Variants in BABAM2 observed in about 807,000 individuals in gnomAD.
BABAM2 encodes BRISC and BRCA1-A complex member 2.
A neutral mutation model predicts 54.7 loss-of-function variants in BABAM2; 31 were observed. The ratio of observed to expected loss-of-function variants is 0.57; its 90% confidence interval spans 0.43 to 0.77. The LOEUF is 0.77. Among genes scored for constraint, BABAM2 ranks in the 30% least tolerant of loss-of-function variants. The probability of loss-of-function intolerance (pLI) is 0.00; values close to 1 mark genes in which losing one functional copy is unlikely to be tolerated. For synonymous variants in BABAM2, 167 were observed against 162.9 expected (o/e 1.03, Z -0.19); for missense variants, 364 against 455.8 (o/e 0.80, Z 1.83).
intron 7 of BABAM2, among the ~76,000 whole-genome samples, chr2:28,168,892 A>G (rs965128957): frequency 2.0e-5 from 3 of 152,074 alleles, no homozygotes; most frequent in African/African-American, 7.2e-5. Flanking sequence ...ATTCAACCCA[A>G]CTTCCAGAAA....
chr2:27,997,608 G>A (rs1202583550), intron 4 of BABAM2, among the ~76,000 whole-genome samples: 1 of 152,158 alleles, frequency 6.6e-6, no homozygotes, highest in Non-Finnish European at 1.5e-5. Flanking sequence ...TTGAAAGCAT[G>A]TGTTATAAAC....
chr2:27,951,387 C>A (rs1025506291), intron 3 of BABAM2, among the ~76,000 whole-genome samples: 4 of 151,674 alleles, frequency 2.6e-5, no homozygotes, highest in African/African-American at 9.7e-5. Flanking sequence ...TTTTTTTTGA[C>A]CTATGAGTTA....
At chr2:28,295,936 G>C (rs1039210868) in intron 10 of BABAM2, among the ~76,000 whole-genome samples, 3 of 152,078 alleles carry the variant, frequency 2.0e-5, no homozygotes, top group Non-Finnish European at 2.9e-5. Context: ...GGTGAAATTT[G>C]ATCTCTACTA....
chr2:28,219,476 C>A (rs1680201485), intron 7 of BABAM2, among the ~76,000 whole-genome samples: 2 of 152,206 alleles, frequency 1.3e-5, no homozygotes, highest in Non-Finnish European at 2.9e-5. Flanking sequence ...ATAATCTCCT[C>A]ATGTCGGGGT....
chr2:28,125,275 G>C (rs527534017), intron 6 of BABAM2, among the ~76,000 whole-genome samples: 208 of 151,866 alleles, frequency 1.4e-3, no homozygotes, highest in Middle Eastern at 6.8e-3. Flanking sequence ...TTTTTATTTT[G>C]TTATTTTTAT....
At chr2:28,036,971 C>A (rs1055045567) in intron 5 of BABAM2, among the ~76,000 whole-genome samples, 1 of 152,162 alleles carries the variant, frequency 6.6e-6, no homozygotes, top group Non-Finnish European at 1.5e-5. Flanking sequence ...TAGTACTTGG[C>A]ACAGTATGTG....
chr2:28,142,272 T>A lies in BABAM2; in HGVS notation c.680+12892T>A, dbSNP rs577099339. Among the ~76,000 whole-genome samples, 14 of 152,288 alleles carry A rather than the reference T, an allele frequency of 9.2e-5. No homozygotes were observed. In the East Asian group the frequency reaches 1.7e-3, roughly 19 times the overall value. ...ATGACTTAATGAATGGGGAAGCCTT[T>A]AGTTTAAAACAAAACAAATGATGGG... is the stretch of plus-strand genomic sequence containing the variant. On this transcript the variant is annotated intron_variant, in intron 7 of 11. Transcript: ENST00000379624.
chr2:28,275,269 T>C (rs1303199866), intron 10 of BABAM2, among the ~76,000 whole-genome samples: 2 of 152,224 alleles, frequency 1.3e-5, no homozygotes, highest in African/African-American at 2.4e-5. Flanking sequence ...TCTAGGCCTG[T>C]TGGTATTAGT....
Position 28,237,232 on chromosome 2 carries a change from C to G in BABAM2, c.711C>G (p.Ile237Met). 6.2e-7 allele frequency: 1 copy of G among 1,613,860 alleles called. No homozygotes were observed. Among genetic ancestry groups the G allele is most frequent in the South Asian group, 1.1e-5 (1 of 91,070 alleles). Residue 237 changes from isoleucine (I) to methionine (M), a missense_variant, in exon 8 of 12, where the codon ATC becomes ATG. Coordinates refer to ENST00000379624, the MANE Select transcript of BABAM2 (RefSeq NM_199191.3). Reference protein sequence around the residue: ...HALGGSSALHIPAFPGGGCLI... With the variant: ...HALGGSSALHMPAFPGGGCLI... ...TTGGAGGCTCCTCAGCTCTTCATAT[C>G]CCAGCTTTTCCAGGAGGAGGATGTC... is the stretch of plus-strand genomic sequence containing the variant.
intron 7 of BABAM2, among the ~76,000 whole-genome samples, chr2:28,152,125 G>A (rs1672112246): frequency 6.6e-6 from 1 of 152,164 alleles, no homozygotes; most frequent in African/African-American, 2.4e-5. Context: ...TCTGTCTATA[G>A]CACCCCTTTT....
At chr2:28,226,971 G>A (rs1355974959) in intron 7 of BABAM2, among the ~76,000 whole-genome samples, 1 of 152,118 alleles carries the variant, frequency 6.6e-6, no homozygotes. Context: ...TCTGAGATGA[G>A]GTGGATATGG....
chr2:27,912,447 G>A (rs1328651262), intron 2 of BABAM2, among the ~76,000 whole-genome samples: 1 of 151,956 alleles, frequency 6.6e-6, no homozygotes, highest in Non-Finnish European at 1.5e-5. Context: ...TCATTGGCAG[G>A]TTTTTATAAA....
At chr2:28,110,985 T>C (rs79773309) in intron 6 of BABAM2, among the ~76,000 whole-genome samples, 1 of 151,348 alleles carries the variant, frequency 6.6e-6, no homozygotes, top group Non-Finnish European at 1.5e-5. Context: ...TTTTTTTTTT[T>C]TGAGATGGAA....
chr2:28,112,150 C>CTTTCTTTCTTTCTTTCTTTCTTTCT (rs1558346816), intron 6 of BABAM2, among the ~76,000 whole-genome samples: 1 of 1,870 alleles, frequency 5.3e-4, no homozygotes. Flanking sequence ...TCTTTCTTTA[C>CTTTCTTTCTTTCTTTCTTTCTTTCT]CTCCCTCCCT....
intron 10 of BABAM2, among the ~76,000 whole-genome samples, chr2:28,283,522 C>G (rs1434716508): frequency 6.6e-6 from 1 of 152,184 alleles, no homozygotes; most frequent in Non-Finnish European, 1.5e-5. Flanking sequence ...GTTCCCAAGT[C>G]CCTTGGAACA....
At chr2:28,064,165 T>G (rs1174925681) in intron 6 of BABAM2, among the ~76,000 whole-genome samples, 2 of 152,222 alleles carry the variant, frequency 1.3e-5, no homozygotes, top group Non-Finnish European at 2.9e-5. Flanking sequence ...TGGAGACCCA[T>G]AGTAGTCCTG....
chr2:28,030,462 G>T (rs1367533671), intron 5 of BABAM2, among the ~76,000 whole-genome samples: 1 of 152,174 alleles, frequency 6.6e-6, no homozygotes, highest in Non-Finnish European at 1.5e-5. Context: ...CCTAGGGAAG[G>T]CCTAGTAGAA....
Position 28,338,580 on chromosome 2 carries a change from G to C in BABAM2, c.*67G>C. On this transcript the variant is annotated 3_prime_UTR_variant, in exon 12 of 12. Coordinates refer to ENST00000379624, the MANE Select transcript of BABAM2 (RefSeq NM_199191.3). ...CACATGCGTGTCAGCACATACAGCC[G>C]CTTCCTGGAAGCCGCCTGGAATGTC... is the stretch of plus-strand genomic sequence containing the variant. 3 of 1,571,268 alleles carry C rather than the reference G, an allele frequency of 1.9e-6. No homozygotes were observed. Among genetic ancestry groups the C allele is most frequent in the Non-Finnish European group, 2.6e-6 (3 of 1,142,696 alleles).
chr2:28,242,098 C>T (rs1273298162), intron 9 of BABAM2, among the ~76,000 whole-genome samples: 2 of 152,100 alleles, frequency 1.3e-5, no homozygotes, highest in Admixed American at 1.3e-4. Context: ...TCTGAAATTG[C>T]GGTAAGTTCA....
Sources: gnomAD v4.1 joint callset for allele counts (sites outside exome capture counted in the v4.1 genomes callset) on GRCh38, gnomAD v4.1.1 for gene constraint, MANE v1.5 for transcripts, NCBI Gene and HGNC (gene_info 2026-07-23, HGNC 2026-07-21) for gene names.